CSMD1: variants seen among roughly 807,000 people sequenced by gnomAD.
CSMD1 encodes CUB and Sushi multiple domains 1.
In CSMD1, 213 loss-of-function variants were observed where a neutral mutation model predicts 417.5. The ratio of observed to expected loss-of-function variants is 0.51; its 90% CI spans 0.46 to 0.57. The LOEUF is 0.57. Among genes scored for constraint, CSMD1 ranks in the 20% least tolerant of loss-of-function variants. CSMD1 has a pLI of 0.00. For synonymous variants in CSMD1, 2,862 were observed against 1,736.8 expected, an observed-to-expected ratio of 1.65 and a Z score of -16.11; for missense variants, 6,923 against 4,529.7, an observed-to-expected ratio of 1.53 and a Z score of -15.17.
chr8:4,630,027 G>C (rs1439865916), intron 2 of CSMD1, among the ~76,000 whole-genome samples: 2 of 151,992 alleles, frequency 1.3e-5, no homozygotes, highest in Non-Finnish European at 2.9e-5. Flanking sequence ...TATTAGTATG[G>C]TTTTGCTGCT....
chr8:4,660,911 T>C (rs1804553065), intron 1 of CSMD1, among the ~76,000 whole-genome samples: 1 of 152,098 alleles, frequency 6.6e-6, no homozygotes, highest in Admixed American at 6.6e-5. Flanking sequence ...ACAACTACAA[T>C]GAGATATCAC....
At chr8:4,088,294 A>G (rs1800527494) in intron 3 of CSMD1, among the ~76,000 whole-genome samples, 1 of 152,230 alleles carries the variant, frequency 6.6e-6, no homozygotes, top group Non-Finnish European at 1.5e-5. Flanking sequence ...TGGCCATTGA[A>G]TACAGCCTGC....
At chr8:3,615,826 T>A (rs1332277345) in intron 8 of CSMD1, among the ~76,000 whole-genome samples, 1 of 152,196 alleles carries the variant, frequency 6.6e-6, no homozygotes, top group East Asian at 1.9e-4. Context: ...CTTTACTATT[T>A]TATTTTACAG....
intron 3 of CSMD1, among the ~76,000 whole-genome samples, chr8:4,039,892 G>C (rs775603139): frequency 1.3e-5 from 2 of 152,132 alleles, no homozygotes; most frequent in African/African-American, 2.4e-5. Flanking sequence ...TTAGATCTTA[G>C]TTTCTACATC....
At chr8:2,959,707 C>G (rs1803296170) in intron 62 of CSMD1, among the ~76,000 whole-genome samples, 1 of 152,144 alleles carries the variant, frequency 6.6e-6, no homozygotes, top group African/African-American at 2.4e-5. Context: ...AGGGACATTT[C>G]ACACTGAAAT....
chr8:4,419,654 A>T (rs1797137244), intron 3 of CSMD1, among the ~76,000 whole-genome samples: 1 of 152,198 alleles, frequency 6.6e-6, no homozygotes, highest in Non-Finnish European at 1.5e-5. Flanking sequence ...TTACCACGTA[A>T]GAGGGCTATT....
At chr8:3,370,798 A>C (rs926528335) in intron 18 of CSMD1, among the ~76,000 whole-genome samples, 3 of 152,266 alleles carry the variant, frequency 2.0e-5, no homozygotes, top group South Asian at 4.1e-4. Flanking sequence ...AGCATGGCAA[A>C]ACCCCATGTT....
At position 4,236,026 on chromosome 8, in the gene CSMD1, G is replaced by GCTTTTTTTTTTTT. The variant is rs1420352173; in HGVS notation, c.415+183926_415+183927insAAAAAAAAAAAAG. On this transcript the variant is annotated intron_variant, in intron 3 of 69. Coordinates refer to ENST00000635120, the MANE Select transcript of CSMD1 (RefSeq NM_033225.6). ...GTGAGCAAAGAGGTTAATGGATATT[G>GCTTTTTTTTTTTT]TTTTTTTTGTTTGTTTTTTTTTTTT... 5.0e-4 allele frequency among the ~76,000 whole-genome samples: 54 copies of GCTTTTTTTTTTTT among 108,048 alleles called. 1 individual carries two copies. Among genetic ancestry groups the GCTTTTTTTTTTTT allele is most frequent in the Non-Finnish European group, 5.7e-4 (32 of 56,040 alleles). The allele number at this position is 108,048 out of a possible 152,430, so 70.9% of individuals were successfully genotyped here. A position where few individuals can be genotyped will look rare whatever the true frequency, so the allele number is the denominator to read the frequency against.
chr8:4,544,190 A>T (rs1797536389), intron 2 of CSMD1, among the ~76,000 whole-genome samples: 1 of 152,144 alleles, frequency 6.6e-6, no homozygotes, highest in Non-Finnish European at 1.5e-5. Flanking sequence ...ACCATTGCCA[A>T]ACCTAAAGCC....
chr8:4,744,379 T>C (rs1278195557), intron 1 of CSMD1, among the ~76,000 whole-genome samples: 1 of 152,202 alleles, frequency 6.6e-6, no homozygotes, highest in Admixed American at 6.5e-5. Flanking sequence ...TCGTATTGTC[T>C]CTTCTCCAAC....
intron 1 of CSMD1, among the ~76,000 whole-genome samples, chr8:4,896,029 T>C (rs1804457812): frequency 6.6e-6 from 1 of 152,134 alleles, no homozygotes; most frequent in African/African-American, 2.4e-5. Flanking sequence ...TTTGTAATGA[T>C]TCTACAATTC....
At chr8:4,031,077 G>A (rs1474221460) in intron 4 of CSMD1, among the ~76,000 whole-genome samples, 3 of 152,102 alleles carry the variant, frequency 2.0e-5, no homozygotes, top group Non-Finnish European at 4.4e-5. Flanking sequence ...AGTCTCTAGA[G>A]AATTCCAAAA....
intron 10 of CSMD1, among the ~76,000 whole-genome samples, chr8:3,538,275 G>C (rs372560138): frequency 2.7e-5 from 4 of 149,958 alleles, no homozygotes; most frequent in East Asian, 2.0e-4. Flanking sequence ...TTCACCTTCA[G>C]TGGTGCACCT....
At chr8:3,892,423 G>C (rs1050470327) in intron 5 of CSMD1, among the ~76,000 whole-genome samples, 1 of 152,114 alleles carries the variant, frequency 6.6e-6, no homozygotes, top group Non-Finnish European at 1.5e-5. Flanking sequence ...CTTCCCCAAA[G>C]CTTGTGAAGT....
chr8:4,804,055 G>A (rs1157313708), intron 1 of CSMD1, among the ~76,000 whole-genome samples: 2 of 151,994 alleles, frequency 1.3e-5, no homozygotes, highest in South Asian at 2.1e-4. Flanking sequence ...CAGTATTAGG[G>A]GTGTGTTCTA....
In CSMD1 at chr8:4,505,806, AT is replaced by A. The variant is rs770475982; in HGVS notation, c.303-85742del. On this transcript the variant is annotated intron_variant, in intron 2 of 69. Transcript: ENST00000635120. Reference sequence around the variant, plus strand: ...TATGAGTTCCACACTCATGTTCAATATTTTTTTTTTTTTAGATAGAGTCTCA... The same window carrying A: ...TATGAGTTCCACACTCATGTTCAATATTTTTTTTTTTTAGATAGAGTCTCA... 6.1e-3 allele frequency among the ~76,000 whole-genome samples: 881 copies of A among 144,412 alleles called. 4 individuals carry two copies. Among genetic ancestry groups the A allele is most frequent in the East Asian group, 0.018 (90 of 4,952 alleles). 94.7% of individuals were successfully genotyped at this position (144,412 alleles called of 152,430 possible). A position where few individuals can be genotyped will look rare whatever the true frequency, so the allele number is the denominator to read the frequency against.
At chr8:3,579,559 T>G (rs1023303074) in intron 9 of CSMD1, among the ~76,000 whole-genome samples, 41 of 152,272 alleles carry the variant, frequency 2.7e-4, no homozygotes, top group African/African-American at 9.9e-4. Flanking sequence ...GAGAAATCAT[T>G]TTTATCAAGC....
intron 6 of CSMD1, among the ~76,000 whole-genome samples, chr8:3,725,896 G>A (rs1375583288): frequency 6.6e-6 from 1 of 152,138 alleles, no homozygotes; most frequent in East Asian, 1.9e-4. Context: ...TTGAAAAGAT[G>A]GAGCCTACTC....
chr8:4,742,932 G>A (rs1585029800), intron 1 of CSMD1, among the ~76,000 whole-genome samples: 2 of 152,136 alleles, frequency 1.3e-5, no homozygotes, highest in South Asian at 2.1e-4. Context: ...TTGTAAAAAT[G>A]TATAAATGAT....
Sources: allele counts gnomAD v4.1 joint callset (sites outside exome capture counted in the v4.1 genomes callset), GRCh38; gene constraint gnomAD v4.1.1; transcripts MANE v1.5; gene names NCBI Gene and HGNC (gene_info 2026-07-23, HGNC 2026-07-21).